Variants in NCOA2 observed in about 807,000 individuals in gnomAD.
NCOA2 encodes nuclear receptor coactivator 2, also known as class E basic helix-loop-helix protein 75.
In NCOA2, 21 loss-of-function variants were observed where a neutral mutation model predicts 145.1. The observed-to-expected ratio is 0.14, with a 90% CI of 0.10 to 0.21. The LOEUF (loss-of-function observed/expected upper bound fraction) is 0.21, where lower values mean the gene tolerates loss of function less well. NCOA2 is among the 10% of genes least tolerant of loss of function. The pLI is 1.00. For missense variants in NCOA2, 1,472 were observed against 1,837.6 expected (o/e 0.80, Z 3.64); for synonymous variants, 619 against 637.5 (o/e 0.97, Z 0.44).
At chr8:70,315,187 C>T (rs1805490801) in intron 1 of NCOA2, among the ~76,000 whole-genome samples, 1 of 152,128 alleles carries the variant, frequency 6.6e-6, no homozygotes, top group Admixed American at 6.5e-5. Flanking sequence ...TGTTTGATTT[C>T]TTCCTCTTTT....
chr8:70,175,505 G>A (rs1814727072), intron 4 of NCOA2, among the ~76,000 whole-genome samples: 1 of 152,230 alleles, frequency 6.6e-6, no homozygotes, highest in Admixed American at 6.5e-5. Context: ...AAGGCGCGTA[G>A]CGTGCGCTCC....
At chr8:70,188,860 A>G (rs1025371172) in intron 4 of NCOA2, among the ~76,000 whole-genome samples, 32 of 152,350 alleles carry the variant, frequency 2.1e-4, no homozygotes, top group Middle Eastern at 3.4e-3. Flanking sequence ...AATTAAATTT[A>G]GTTATATTTC....
chr8:70,278,423 A>G (rs965469247), intron 2 of NCOA2, among the ~76,000 whole-genome samples: 1 of 152,218 alleles, frequency 6.6e-6, no homozygotes, highest in African/African-American at 2.4e-5. Context: ...GTTTATGGTA[A>G]TGGGATGATG....
chr8:70,363,564 A>G (rs547427129), intron 1 of NCOA2, among the ~76,000 whole-genome samples: 2 of 152,340 alleles, frequency 1.3e-5, no homozygotes, highest in South Asian at 4.1e-4. Flanking sequence ...ATGTGAATAG[A>G]TAAAACTCTG....
At chr8:70,134,756 G>C (rs187352052) in intron 15 of NCOA2, among the ~76,000 whole-genome samples, 1 of 152,224 alleles carries the variant, frequency 6.6e-6, no homozygotes, top group East Asian at 1.9e-4. Context: ...ATCACTTTTT[G>C]TTACATGCTT....
At chr8:70,442,884 A>G in the NCOA2 span, among the ~76,000 whole-genome samples, 3 of 152,136 alleles carry the variant, frequency 2.0e-5, no homozygotes, top group Non-Finnish European at 4.4e-5. Flanking sequence ...TAGGATTCCA[A>G]TGTCTCACAT....
rs961806200 is a variant in NCOA2, at chr8:70,111,323, G to A, written c.*2309C>T. 3 of 225,780 alleles carry A rather than the reference G, an allele frequency of 1.3e-5. No individual in the cohort carries two copies. The highest frequency in any genetic ancestry group is 6.7e-5 in the African/African-American group (3 of 44,904). The allele number at this position is 225,780 out of a possible 1,614,324, so 14.0% of individuals were successfully genotyped here. ...TGAAACTCAAAACAAAACAAATCCA[G>A]TTTAAACTCCATTTCTCTTTTGTGC... On this transcript the variant is annotated 3_prime_UTR_variant, in exon 23 of 23. Coordinates refer to ENST00000452400, the MANE Select transcript of NCOA2 (RefSeq NM_006540.4).
At chr8:70,216,247 A>G (rs540309105) in intron 3 of NCOA2, among the ~76,000 whole-genome samples, 1 of 152,330 alleles carries the variant, frequency 6.6e-6, no homozygotes, top group African/African-American at 2.4e-5. Flanking sequence ...TTTATTCACT[A>G]AAGAGCCACA....
intron 2 of NCOA2, among the ~76,000 whole-genome samples, chr8:70,272,739 A>G (rs1302262587): frequency 6.6e-6 from 1 of 152,210 alleles, no homozygotes; most frequent in Non-Finnish European, 1.5e-5. Flanking sequence ...ACAAAAGGAC[A>G]CCATGTTAGA....
chr8:70,348,605 G>A (rs1341402917), intron 1 of NCOA2, among the ~76,000 whole-genome samples: 3 of 152,180 alleles, frequency 2.0e-5, no homozygotes, highest in African/African-American at 7.2e-5. Context: ...GGGAGGTCAT[G>A]TATACATATA....
intron 6 of NCOA2, among the ~76,000 whole-genome samples, chr8:70,168,414 G>C (rs1813869822): frequency 2.6e-5 from 4 of 152,150 alleles, no homozygotes; most frequent in Admixed American, 2.6e-4. Context: ...CACCTCCTGG[G>C]CTCAAGGGAT....
At position 70,128,915 on chromosome 8, in the gene NCOA2, C is replaced by T. The variant is rs778211853; in HGVS notation, c.3390G>A (p.Ala1130=). 28 of 1,612,390 alleles carry T rather than the reference C, an allele frequency of 1.7e-5. No homozygotes were observed. The highest frequency in any genetic ancestry group is 4.4e-5 in the South Asian group (4 of 90,746). The stretch of plus-strand genomic sequence containing the variant: ...ATGCATACTGCTGTGGGAAAACGGG[C>T]GCCTTCTGCTCCAGCATGATGTTGG... ...QDSNIMLEQK[A]PVFPQQYASQ... is the part of the protein sequence containing the mutation. Residue 1130 remains alanine, a synonymous_variant, in exon 17 of 23, where the codon GCG becomes GCA. Transcript: ENST00000452400.
chr8:70,451,799 T>C, the NCOA2 span, among the ~76,000 whole-genome samples: 1 of 152,218 alleles, frequency 6.6e-6, no homozygotes, highest in Non-Finnish European at 1.5e-5. Context: ...TATGTCTGTA[T>C]TCTCTGAGCA....
At chr8:70,200,208 T>C (rs1817743485) in intron 4 of NCOA2, among the ~76,000 whole-genome samples, 1 of 152,314 alleles carries the variant, frequency 6.6e-6, no homozygotes, top group Middle Eastern at 3.4e-3. Context: ...ATGGGGGTCC[T>C]GGAACCAATC....
chr8:70,330,695 A>G (rs892972105), intron 1 of NCOA2, among the ~76,000 whole-genome samples: 2 of 152,248 alleles, frequency 1.3e-5, no homozygotes, highest in African/African-American at 4.8e-5. Context: ...CTTATGTCAT[A>G]GTACAAAAGC....
intron 1 of NCOA2, among the ~76,000 whole-genome samples, chr8:70,308,450 T>C (rs182619127): frequency 1.6e-4 from 25 of 152,254 alleles, no homozygotes; most frequent in Admixed American, 1.6e-3. Context: ...TGTGTGTGTA[T>C]CTGTGAGTGT....
At chr8:70,273,054 G>T (rs998420002) in intron 2 of NCOA2, among the ~76,000 whole-genome samples, 1 of 152,174 alleles carries the variant, frequency 6.6e-6, no homozygotes, top group African/African-American at 2.4e-5. Context: ...ACTTATCTGT[G>T]AATTGATTTA....
the NCOA2 span, among the ~76,000 whole-genome samples, chr8:70,430,950 A>G: frequency 6.6e-6 from 1 of 152,204 alleles, no homozygotes; most frequent in Non-Finnish European, 1.5e-5. Context: ...GGATTTACGA[A>G]ATCTGGCCAA....
At chr8:70,260,917 A>G (rs1485070479) in intron 2 of NCOA2, among the ~76,000 whole-genome samples, 1 of 152,204 alleles carries the variant, frequency 6.6e-6, no homozygotes, top group African/African-American at 2.4e-5. Context: ...ATCTCACACC[A>G]GTTAGAATGG....
Sources: gnomAD v4.1 joint callset for allele counts (sites outside exome capture counted in the v4.1 genomes callset) on GRCh38, gnomAD v4.1.1 for gene constraint, MANE v1.5 for transcripts, NCBI Gene and HGNC (gene_info 2026-07-23, HGNC 2026-07-21) for gene names.